SIM1: variants seen among roughly 807,000 people sequenced by gnomAD.
SIM1 encodes SIM bHLH transcription factor 1.
A neutral mutation model predicts 78.2 loss-of-function variants in SIM1; 18 were observed. The observed-to-expected ratio is 0.23, with a 90% CI of 0.16 to 0.34. The LOEUF is 0.34. Among genes scored for constraint, SIM1 ranks in the 10% least tolerant of loss-of-function variants. The pLI is 1.00. For synonymous variants in SIM1, 417 were observed against 385.2 expected, an observed-to-expected ratio of 1.08 and a Z score of -0.97; for missense variants, 939 against 975.1, an observed-to-expected ratio of 0.96 and a Z score of 0.49.
chr6:100,417,493 T>C (rs530846450), intron 10 of SIM1, among the ~76,000 whole-genome samples: 1 of 152,302 alleles, frequency 6.6e-6, no homozygotes, highest in East Asian at 1.9e-4. Flanking sequence ...AAACACATAA[T>C]AGCAATGATG....
chr6:100,439,486 TCAC>T (rs1772149636), intron 9 of SIM1, among the ~76,000 whole-genome samples: 1 of 152,140 alleles, frequency 6.6e-6, no homozygotes, highest in Admixed American at 6.6e-5. Flanking sequence ...CTCTTCTATT[TCAC>T]CAACTAAATT....
chr6:100,405,454 T>C (rs1198235856), intron 10 of SIM1, among the ~76,000 whole-genome samples: 1 of 152,160 alleles, frequency 6.6e-6, no homozygotes, highest in African/African-American at 2.4e-5. Flanking sequence ...TAATACAAAT[T>C]ATCAGCTTCC....
chr6:100,394,060 T>C (rs993130082), intron 10 of SIM1, 171 bp from the exon 11 acceptor site: 1 of 540,400 alleles, frequency 1.9e-6, no homozygotes, highest in South Asian at 3.5e-5. Context: ...CACACCTAAC[T>C]TGGAATTACT....
intron 10 of SIM1, among the ~76,000 whole-genome samples, chr6:100,415,703 G>A (rs1419259550): frequency 6.6e-6 from 1 of 152,174 alleles, no homozygotes; most frequent in African/African-American, 2.4e-5. Flanking sequence ...GGTTAACAGA[G>A]CAGGAGCACC....
chr6:100,412,617 AAAG>A lies in SIM1; in HGVS notation c.1167+8170_1167+8172del, dbSNP rs1562239690. Among the ~76,000 whole-genome samples the A allele has an allele frequency of 2.1e-3, 224 of 105,678 alleles. 16 individuals are homozygous for A. Among genetic ancestry groups the A allele is most frequent in the African/African-American group, 2.6e-3 (76 of 29,790 alleles). 69.3% of individuals were successfully genotyped at this position (105,678 alleles called of 152,430 possible). Reference sequence around the variant, plus strand: ...AAAGAAAGAAAGAAAGAAAGGAAAGAAAGAAGGAAAGAAAGAAAGAAAAGAAAG... The same window carrying A: ...AAAGAAAGAAAGAAAGAAAGGAAAGAAAGGAAAGAAAGAAAGAAAAGAAAG... On this transcript the variant is annotated intron_variant, in intron 10 of 11. Transcript: ENST00000369208.
chr6:100,424,984 C>T (rs945368510), intron 9 of SIM1, among the ~76,000 whole-genome samples: 1 of 152,134 alleles, frequency 6.6e-6, no homozygotes, highest in East Asian at 1.9e-4. Context: ...TGTTTCCCCA[C>T]CGAAATATCA....
chr6:100,444,111 C>CAATTTCA lies in SIM1; in HGVS notation c.998+3156_998+3157insTGAAATT, dbSNP rs1554223993. Among the ~76,000 whole-genome samples the CAATTTCA allele has an allele frequency of 4.3e-3, 658 of 151,696 alleles. 3 individuals are homozygous for CAATTTCA. The highest frequency in any genetic ancestry group is 0.015 in the African/African-American group (610 of 41,478). ...TTTTCATAGTTTATTAGGTGTTCTA[C>CAATTTCA]ATTTTCTTTACATTAAAAACTAAAG... On this transcript the variant is annotated intron_variant, in intron 9 of 11. Transcript: ENST00000369208.
rs777517343 is a variant in SIM1, at chr6:100,449,643, C to G, written c.405G>C (p.Glu135Asp). ...GATGGGCGGTGAGCACCGCCGTCAT[C>G]TCGTCGTGGTCTGCCGGGTGAATGT... is the stretch of plus-strand genomic sequence containing the variant. ...YEYIHPADHD[E>D]MTAVLTAHQP... The change falls in exon 5 of 12, where the codon GAG becomes GAC. Residue 135 changes from glutamate to aspartate, a missense_variant. Coordinates refer to ENST00000369208, the MANE Select transcript of SIM1 (RefSeq NM_005068.3). The G allele has an allele frequency of 6.2e-7, 1 of 1,614,150 alleles. No homozygotes were observed. The highest frequency in any genetic ancestry group is 1.1e-5 in the South Asian group (1 of 91,084).
intron 10 of SIM1, among the ~76,000 whole-genome samples, chr6:100,401,101 C>T (rs920957978): frequency 2.6e-5 from 4 of 152,052 alleles, no homozygotes; most frequent in Middle Eastern, 3.2e-3. Context: ...GACAGACACT[C>T]CGAAGACACA....
intron 9 of SIM1, among the ~76,000 whole-genome samples, chr6:100,438,385 G>A (rs919660150): frequency 1.3e-5 from 2 of 152,108 alleles, no homozygotes; most frequent in Non-Finnish European, 2.9e-5. Context: ...AATCATCAGG[G>A]GAATGCAAAC....
chr6:100,427,095 TG>T (rs1018618407), intron 9 of SIM1: 1 of 152,252 alleles, frequency 6.6e-6, no homozygotes, highest in Non-Finnish European at 1.5e-5. Context: ...ACGAAGTGTA[TG>T]ACCTTCTTTA....
At chr6:100,447,199 C>G in intron 9 of SIM1, 69 bp downstream of exon 9, 2 of 1,550,026 alleles carry the variant, frequency 1.3e-6, no homozygotes, top group Non-Finnish European at 1.8e-6. Flanking sequence ...CCGGCCGTGC[C>G]GCCACCCGCA....
chr6:100,433,730 AC>A (rs1247992047), intron 9 of SIM1, among the ~76,000 whole-genome samples: 2 of 49,900 alleles, frequency 4.0e-5, no homozygotes, highest in African/African-American at 7.7e-5. Flanking sequence ...ATTAAGACCC[AC>A]CCCCCCACCC....
At chr6:100,438,942 G>A (rs1196948624) in intron 9 of SIM1, among the ~76,000 whole-genome samples, 2 of 152,104 alleles carry the variant, frequency 1.3e-5, no homozygotes, top group African/African-American at 4.8e-5. Flanking sequence ...TGGTATAATG[G>A]ACTTTGGGGC....
At chr6:100,401,462 T>A (rs62420428) in intron 10 of SIM1, among the ~76,000 whole-genome samples, 11,779 of 152,154 alleles carry the variant, frequency 0.077, 519 homozygotes, top group East Asian at 0.18. Flanking sequence ...ATATTGATAA[T>A]TGTGCTGTGG....
At chr6:100,409,030 T>C (rs1771125308) in intron 10 of SIM1, among the ~76,000 whole-genome samples, 1 of 152,170 alleles carries the variant, frequency 6.6e-6, no homozygotes, top group African/African-American at 2.4e-5. Flanking sequence ...AGTCATCTGA[T>C]ATTAGACTTT....
At position 100,437,018 on chromosome 6, in the gene SIM1, G is replaced by A. The variant is rs562097670; in HGVS notation, c.998+10250C>T. ...CTCAAAGTGCTGGGATGACAGGCAT[G>A]AGCCACCACACTCGGCCCATTTTAC... On this transcript the variant is annotated intron_variant, in intron 9 of 11. Coordinates refer to ENST00000369208, the MANE Select transcript of SIM1 (RefSeq NM_005068.3). 9.2e-5 allele frequency among the ~76,000 whole-genome samples: 14 copies of A among 152,244 alleles called. No individual in the cohort carries two copies. The South Asian group carries it at 2.5e-3, about 27-fold the overall frequency.
chr6:100,428,265 C>T (rs755160913), intron 9 of SIM1, among the ~76,000 whole-genome samples: 31 of 152,200 alleles, frequency 2.0e-4, no homozygotes, highest in Non-Finnish European at 3.5e-4. Context: ...TAATTTCATC[C>T]TCAACCATTT....
intron 9 of SIM1, among the ~76,000 whole-genome samples, chr6:100,434,054 G>C (rs994130995): frequency 1.3e-5 from 2 of 152,178 alleles, no homozygotes; most frequent in African/African-American, 4.8e-5. Context: ...CAACCAAGAA[G>C]AGACACAAAT....
Sources: allele counts gnomAD v4.1 joint callset (sites outside exome capture counted in the v4.1 genomes callset), GRCh38; gene constraint gnomAD v4.1.1; transcripts MANE v1.5; gene names NCBI Gene and HGNC (gene_info 2026-07-23, HGNC 2026-07-21).